The following SPOP variants were observed in gnomAD, a reference collection of about 807,000 sequenced individuals.
SPOP encodes speckle-type POZ protein.
In SPOP, 11 loss-of-function variants were observed where a neutral mutation model predicts 45.6. The ratio of observed to expected loss-of-function variants is 0.24; its 90% CI spans 0.15 to 0.40. The LOEUF (loss-of-function observed/expected upper bound fraction) is 0.40, where lower values mean the gene tolerates loss of function less well. Among genes scored for constraint, SPOP ranks in the 10% least tolerant of loss-of-function variants. The pLI is 1.00. For synonymous variants in SPOP, 166 were observed against 166.3 expected, an observed-to-expected ratio of 1.00 and a Z score of 0.01; for missense variants, 152 against 465.6, an observed-to-expected ratio of 0.33 and a Z score of 6.20.
intron 5 of SPOP, chr17:49,618,653 A>G: frequency 2.2e-6 from 1 of 457,502 alleles, no homozygotes; most frequent in Non-Finnish European, 4.2e-6. Context: ...ACAGATACAC[A>G]TATTTAGCTT....
intron 1 of SPOP, among the ~76,000 whole-genome samples, chr17:49,623,640 C>A (rs535389056): frequency 6.6e-6 from 1 of 152,284 alleles, no homozygotes; most frequent in East Asian, 1.9e-4. Flanking sequence ...TTCCTCAACC[C>A]ATTGCTGGCT....
chr17:49,666,271 T>C (rs1356366057), intron 1 of SPOP, among the ~76,000 whole-genome samples: 2 of 151,874 alleles, frequency 1.3e-5, no homozygotes, highest in Non-Finnish European at 2.9e-5. Context: ...ATTGGATCCA[T>C]ATTTCAGGGT....
At chr17:49,664,054 A>T (rs1276897625) in intron 1 of SPOP, among the ~76,000 whole-genome samples, 1 of 152,230 alleles carries the variant, frequency 6.6e-6, no homozygotes, top group Non-Finnish European at 1.5e-5. Flanking sequence ...TTCTAAAATC[A>T]CATATGGGTA....
At chr17:49,670,799 G>C (rs2073126315) in intron 1 of SPOP, among the ~76,000 whole-genome samples, 1 of 152,030 alleles carries the variant, frequency 6.6e-6, no homozygotes, top group African/African-American at 2.4e-5. Flanking sequence ...CAGAGTTTAC[G>C]GCCTATCTGA....
chr17:49,621,061 C>T (rs964288053), intron 3 of SPOP, among the ~76,000 whole-genome samples: 9 of 152,172 alleles, frequency 5.9e-5, no homozygotes, highest in Non-Finnish European at 1.3e-4. Flanking sequence ...GCGTTTTGGT[C>T]TTTGCAGTGG....
chr17:49,642,767 T>G (rs2072682441), intron 1 of SPOP, among the ~76,000 whole-genome samples: 1 of 152,204 alleles, frequency 6.6e-6, no homozygotes, highest in African/African-American at 2.4e-5. Flanking sequence ...GGGACTGATG[T>G]GACAAAGAGC....
chr17:49,603,589 G>A (rs540255539), intron 8 of SPOP, among the ~76,000 whole-genome samples: 16 of 152,214 alleles, frequency 1.1e-4, no homozygotes, highest in Non-Finnish European at 1.9e-4. Context: ...ATGTCCCCAG[G>A]AGACTGGAAA....
chr17:49,636,692 T>C (rs996130853), intron 1 of SPOP: 3 of 152,236 alleles, frequency 2.0e-5, no homozygotes, highest in African/African-American at 2.4e-5. Flanking sequence ...AATGTTTTTA[T>C]GCATTTCATT....
At chr17:49,628,795 C>A (rs1415960764) in intron 1 of SPOP, among the ~76,000 whole-genome samples, 1 of 152,180 alleles carries the variant, frequency 6.6e-6, no homozygotes. Context: ...TTCAACTGAA[C>A]CTACGGTGCA....
chr17:49,669,374 T>C (rs1597987021), intron 1 of SPOP, among the ~76,000 whole-genome samples: 1 of 148,510 alleles, frequency 6.7e-6, no homozygotes, highest in Non-Finnish European at 1.5e-5. Flanking sequence ...GCCTAAGATA[T>C]TTTTATAATT....
At chr17:49,657,571 G>A (rs2072930363) in intron 1 of SPOP, among the ~76,000 whole-genome samples, 1 of 150,172 alleles carries the variant, frequency 6.7e-6, no homozygotes, top group South Asian at 2.1e-4. Flanking sequence ...GCTAATTTTT[G>A]TATTTTTAAT....
At chr17:49,653,243 A>AAT (rs1273813588) in intron 1 of SPOP, among the ~76,000 whole-genome samples, 1 of 152,108 alleles carries the variant, frequency 6.6e-6, no homozygotes, top group Non-Finnish European at 1.5e-5. Flanking sequence ...AAAGAAAAGC[A>AAT]ATATATATAC....
rs1335675942 is a variant in SPOP at position 49,600,819 on chromosome 17, C to T, written c.981-297G>A. On this transcript the variant is annotated intron_variant, in intron 9 of 9. Transcript: ENST00000504102. The surrounding 1 kb of genome is among the most constrained non-coding windows in gnomAD (Gnocchi z 4.2). ...ATGTTCCTTATATTCACCGGTGATG[C>T]TAGTCATAAAAAGGAGCATGGGCTC... 1.0e-5 allele frequency: 3 copies of T among 298,488 alleles called. No individual in the cohort carries two copies. The highest frequency in any genetic ancestry group is 6.3e-5 in the African/African-American group (3 of 47,382). The allele number at this position is 298,488 out of a possible 1,614,324, so 18.5% of individuals were successfully genotyped here. A position where few individuals can be genotyped will look rare whatever the true frequency, so the allele number is the denominator to read the frequency against.
At chr17:49,607,730 C>T (rs1016421532) in intron 7 of SPOP, 144 bp downstream of exon 7, 1 of 761,184 alleles carries the variant, frequency 1.3e-6, no homozygotes, top group Non-Finnish European at 2.2e-6. Flanking sequence ...CACCACTTCT[C>T]TCTGCTCTCA....
Position 49,619,711 on chromosome 17 carries a change from G to A in SPOP, c.201-326C>T, listed in dbSNP as rs2072178469. Among the ~76,000 whole-genome samples, 2 of 152,060 alleles carry A rather than the reference G, an allele frequency of 1.3e-5. No homozygotes were observed. The highest frequency in any genetic ancestry group is 4.8e-5 in the African/African-American group (2 of 41,400). On this transcript the variant is annotated intron_variant, in intron 3 of 9. Coordinates refer to ENST00000504102, the MANE Select transcript of SPOP (RefSeq NM_001007228.2). The surrounding 1 kb of genome is among the most constrained non-coding windows in gnomAD (Gnocchi z 4.9). ...ACCATGGCCAGCTAATTTTTGTAGA[G>A]ATGGGGTTTCGCCATATTGCCCAGG...
chr17:49,639,999 G>A (rs185773592), intron 1 of SPOP, among the ~76,000 whole-genome samples: 15 of 152,064 alleles, frequency 9.9e-5, no homozygotes, highest in South Asian at 2.1e-4. Context: ...CCTGTAATTC[G>A]AACACTTTGG....
At chr17:49,607,192 G>T in intron 8 of SPOP, 58 bp downstream of exon 8, 1 of 1,609,114 alleles carries the variant, frequency 6.2e-7, no homozygotes, top group Non-Finnish European at 8.5e-7. Flanking sequence ...TCCTGTTCAT[G>T]AAACACAAGA....
chr17:49,617,614 C>T (rs766996490), intron 5 of SPOP, among the ~76,000 whole-genome samples: 75 of 152,108 alleles, frequency 4.9e-4, no homozygotes, highest in Non-Finnish European at 9.4e-4. Flanking sequence ...TAATCATTTG[C>T]AACTACTCTG....
In SPOP at chr17:49,618,844, T is replaced by C. The variant is rs556123311; in HGVS notation, c.480+137A>G. On this transcript the variant is annotated intron_variant, in intron 5 of 9. Transcript: ENST00000504102. ...TGAAATCATCAGGTAGCTCAATCAG[T>C]CACATAAATAACATTTGTGCAGCAC... 12 of 1,073,344 alleles carry C rather than the reference T, an allele frequency of 1.1e-5. No individual in the cohort carries two copies. The African/African-American group carries it at 1.6e-4, about 14-fold the overall frequency. The allele number at this position is 1,073,344 out of a possible 1,614,324, so 66.5% of individuals were successfully genotyped here.
Sources: gnomAD v4.1 joint callset for allele counts (sites outside exome capture counted in the v4.1 genomes callset) on GRCh38, gnomAD v4.1.1 for gene constraint, Gnocchi (gnomAD v3.1) non-coding constraint, MANE v1.5 for transcripts, NCBI Gene and HGNC (gene_info 2026-07-23, HGNC 2026-07-21) for gene names.